The following MRC1 variants were observed in gnomAD, a reference collection of about 807,000 sequenced individuals.
MRC1 encodes macrophage mannose receptor 1.
A neutral mutation model predicts 102.9 loss-of-function variants in MRC1; 62 were observed. The observed-to-expected ratio is 0.60, with a 90% CI of 0.49 to 0.74. MRC1 has a LOEUF of 0.74. MRC1 is among the 30% of genes least tolerant of loss of function. The pLI is 0.00. For synonymous variants in MRC1, 457 were observed against 298.4 expected (o/e 1.53, Z -5.48); for missense variants, 1,237 against 862.8 (o/e 1.43, Z -5.43).
chr10:17,907,403 A>T, intron 27 of MRC1, 131 bp from the exon 28 acceptor site: 2 of 707,844 alleles, frequency 2.8e-6, no homozygotes, highest in South Asian at 3.3e-5. Flanking sequence ...TTGCCTGTTA[A>T]GTCTGGTTAT....
chr10:17,851,607 AG>A (rs1359317198), intron 7 of MRC1, among the ~76,000 whole-genome samples: 21 of 152,242 alleles, frequency 1.4e-4, no homozygotes, highest in Admixed American at 1.2e-3. Context: ...AGAACAATTT[AG>A]TGAGAAATAT....
At chr10:17,816,546 G>A (rs996704347) in intron 1 of MRC1, among the ~76,000 whole-genome samples, 36 of 152,262 alleles carry the variant, frequency 2.4e-4, no homozygotes, top group Admixed American at 4.6e-4. Context: ...CAGGGCATTC[G>A]TTTTCTGACC....
chr10:17,814,810 G>A (rs1056446183), intron 1 of MRC1, among the ~76,000 whole-genome samples: 4 of 149,908 alleles, frequency 2.7e-5, no homozygotes, highest in Admixed American at 6.7e-5. Context: ...GATTATAGGC[G>A]TGCACCACCC....
chr10:17,837,107 A>G (rs56155993), intron 4 of MRC1, among the ~76,000 whole-genome samples: 54,620 of 151,930 alleles, frequency 0.36, 12,146 homozygotes, highest in African/African-American at 0.63. Flanking sequence ...ATCGGACTCG[A>G]GCTGCAGGAA....
At chr10:17,845,006 G>A (rs1176705090) in intron 5 of MRC1, 16 of 663,048 alleles carry the variant, frequency 2.4e-5, no homozygotes, top group South Asian at 2.3e-4. Flanking sequence ...AAGTTTTAAG[G>A]TGTAGCTTTA....
chr10:17,845,194 A>T (rs1838807631), intron 5 of MRC1, 95 bp from the exon 6 acceptor site: 1 of 780,260 alleles, frequency 1.3e-6, no homozygotes, highest in South Asian at 1.3e-5. Flanking sequence ...TGGTCCATTG[A>T]ATCCCCAGGA....
chr10:17,867,400 T>TCTC (rs201318561), intron 12 of MRC1, among the ~76,000 whole-genome samples: 22,699 of 148,156 alleles, frequency 0.15, 2,248 homozygotes, highest in African/African-American at 0.27. Flanking sequence ...TTCTTCTCCT[T>TCTC]CTTCTTCTTC....
chr10:17,857,091 A>C (rs889688566), intron 9 of MRC1, among the ~76,000 whole-genome samples: 5,106 of 152,348 alleles, frequency 0.034, 133 homozygotes, highest in South Asian at 0.093. Flanking sequence ...ATAATCTTAT[A>C]ACACGTACCA....
rs908326124 is a variant in MRC1, at chr10:17,910,474, T to C, written c.*9T>C. On this transcript the variant is annotated 3_prime_UTR_variant, in exon 30 of 30. Coordinates refer to ENST00000569591, the MANE Select transcript of MRC1 (RefSeq NM_002438.4). ...AACACTCGGTCATCTAGTACCTCAA[T>C]GCGATTCTGAGATATTTGAATTTCA... 9.0e-6 allele frequency: 7 copies of C among 780,818 alleles called. No homozygotes were observed. Among genetic ancestry groups the C allele is most frequent in the Non-Finnish European group, 1.7e-5 (7 of 417,936 alleles). The allele number at this position is 780,818 out of a possible 1,614,324, so 48.4% of individuals were successfully genotyped here.
chr10:17,815,998 A>G (rs2436697), intron 1 of MRC1, among the ~76,000 whole-genome samples: 75,065 of 151,752 alleles, frequency 0.49, 18,794 homozygotes, highest in Non-Finnish European at 0.55. Flanking sequence ...TAATTTTTGT[A>G]TTTTTAGTAG....
At chr10:17,863,497 C>T (rs1833214887) in intron 10 of MRC1, 37 bp from the exon 11 acceptor site, 1 of 779,926 alleles carries the variant, frequency 1.3e-6, no homozygotes, top group Admixed American at 1.7e-5. Flanking sequence ...ATAAATGTTT[C>T]AAAAACTTAA....
intron 9 of MRC1, among the ~76,000 whole-genome samples, chr10:17,859,315 C>CTTG (rs1295370231): frequency 6.7e-4 from 102 of 151,946 alleles, no homozygotes; most frequent in South Asian, 1.2e-3. Flanking sequence ...TCTCATATGG[C>CTTG]TTGTTGTTGT....
At chr10:17,873,753 A>T in intron 15 of MRC1, 31 bp from the exon 16 acceptor site, 1 of 871,204 alleles carries the variant, frequency 1.1e-6, no homozygotes, top group Non-Finnish European at 2.0e-6. Context: ...GTTTAAGTAC[A>T]CTTTATTTCT....
chr10:17,849,556 C>T, intron 6 of MRC1, 23 bp from the exon 7 acceptor site: 1 of 671,780 alleles, frequency 1.5e-6, no homozygotes, highest in African/African-American at 3.2e-5. Context: ...AAATTTTTTT[C>T]CGACCCCCCT....
chr10:17,814,332 C>T (rs1393905657), intron 1 of MRC1, among the ~76,000 whole-genome samples: 1 of 152,068 alleles, frequency 6.6e-6, no homozygotes, highest in Non-Finnish European at 1.5e-5. Context: ...GACTTAGATC[C>T]CTTTATCTGT....
rs1838736143 is a variant in MRC1, at chr10:17,840,624, A to G, written c.803-69A>G. On this transcript the variant is annotated intron_variant, in intron 4 of 29. Transcript: ENST00000569591. ...ATTTTGATTCAAGCACTTAGTTCTG[A>G]ATTTAATTTCAACTGTTTTCTGAAT... 17 of 775,534 alleles carry G rather than the reference A, an allele frequency of 2.2e-5. No individual in the cohort carries two copies. In the Admixed American group the frequency reaches 2.7e-4, roughly 12 times the overall value. 48.0% of individuals were successfully genotyped at this position (775,534 alleles called of 1,614,324 possible).
intron 22 of MRC1, among the ~76,000 whole-genome samples, chr10:17,887,534 T>C (rs1833616266): frequency 6.6e-6 from 1 of 152,232 alleles, no homozygotes; most frequent in Non-Finnish European, 1.5e-5. Context: ...TGGAGCGAGA[T>C]AGCATTAGCT....
At chr10:17,846,002 T>A (rs573332507) in intron 6 of MRC1, among the ~76,000 whole-genome samples, 4,342 of 152,282 alleles carry the variant, frequency 0.029, 234 homozygotes, top group African/African-American at 0.099. Context: ...CTTCGCCTCC[T>A]GGGTTCGTGA....
chr10:17,815,683 A>G (rs1838299859), intron 1 of MRC1, among the ~76,000 whole-genome samples: 1 of 152,198 alleles, frequency 6.6e-6, no homozygotes, highest in African/African-American at 2.4e-5. Flanking sequence ...TACTGGGTTC[A>G]TATTATGTAC....
Sources: gnomAD v4.1 joint callset for allele counts (sites outside exome capture counted in the v4.1 genomes callset) on GRCh38, gnomAD v4.1.1 for gene constraint, MANE v1.5 for transcripts, NCBI Gene and HGNC (gene_info 2026-07-23, HGNC 2026-07-21) for gene names.